Variants in CCDC192 observed in about 807,000 individuals in gnomAD.
The protein encoded by CCDC192 is coiled-coil domain containing 192.
At chr5:127,812,191 G>A (rs973825061) in intron 5 of CCDC192, among the ~76,000 whole-genome samples, 6 of 152,266 alleles carry the variant, frequency 3.9e-5, no homozygotes, top group Admixed American at 2.0e-4. Context: ...TTTTATGTAA[G>A]TGCTTGCTAA....
intron 2 of CCDC192, among the ~76,000 whole-genome samples, chr5:127,708,911 C>A (rs942306485): frequency 6.6e-6 from 1 of 151,970 alleles, no homozygotes; most frequent in Non-Finnish European, 1.5e-5. Flanking sequence ...TGTAGTAGTT[C>A]GTTCTCGCAC....
intron 5 of CCDC192, among the ~76,000 whole-genome samples, chr5:127,815,862 T>G (rs1310755703): frequency 6.6e-6 from 1 of 150,990 alleles, no homozygotes; most frequent in Non-Finnish European, 1.5e-5. Flanking sequence ...AGCGAGACTC[T>G]GTCTGAAAAA....
chr5:127,733,133 G>C (rs1239871830), intron 2 of CCDC192, among the ~76,000 whole-genome samples: 1 of 152,104 alleles, frequency 6.6e-6, no homozygotes, highest in Non-Finnish European at 1.5e-5. Context: ...TTGAATTTTT[G>C]CTCTTAGTTT....
chr5:127,747,203 C>T (rs1753810599), intron 2 of CCDC192, among the ~76,000 whole-genome samples: 1 of 151,522 alleles, frequency 6.6e-6, no homozygotes, highest in African/African-American at 2.4e-5. Flanking sequence ...TGTGCTGCAC[C>T]CACTAACTCG....
chr5:127,894,731 A>C (rs534845179), intron 6 of CCDC192, among the ~76,000 whole-genome samples: 1 of 152,342 alleles, frequency 6.6e-6, no homozygotes, highest in East Asian at 1.9e-4. Flanking sequence ...ATAAGATCTA[A>C]ATAGCTGACA....
chr5:127,842,930 C>T (rs1025436163), intron 5 of CCDC192, among the ~76,000 whole-genome samples: 2 of 151,988 alleles, frequency 1.3e-5, no homozygotes, highest in African/African-American at 4.8e-5. Flanking sequence ...GACATACTGC[C>T]TATGGCGAAA....
At chr5:127,787,724 A>C (rs1580658857) in intron 3 of CCDC192, among the ~76,000 whole-genome samples, 1 of 151,964 alleles carries the variant, frequency 6.6e-6, no homozygotes, top group African/African-American at 2.4e-5. Context: ...GGATTGTTCT[A>C]TCTGTCATAC....
Position 127,837,860 on chromosome 5 carries a change from C to T in CCDC192, c.412-37678C>T, listed in dbSNP as rs569806630. Among the ~76,000 whole-genome samples, 94 of 152,156 alleles carry T rather than the reference C, an allele frequency of 6.2e-4. 1 individual carries two copies. The highest frequency in any genetic ancestry group is 3.5e-3 in the South Asian group (17 of 4,822). The stretch of plus-strand genomic sequence containing the variant: ...AAAATTAGCCAGGCATGGTGGTGCA[C>T]GCCTGTAGTCCCAGCTACTCAGGAG... On this transcript the variant is annotated intron_variant, in intron 5 of 6. Transcript: ENST00000514853.
intron 3 of CCDC192, among the ~76,000 whole-genome samples, chr5:127,760,191 G>C (rs1754831894): frequency 6.6e-6 from 1 of 150,982 alleles, no homozygotes; most frequent in Admixed American, 6.6e-5. Context: ...AGACACTTTT[G>C]AAGTGATGAT....
intron 2 of CCDC192, among the ~76,000 whole-genome samples, chr5:127,737,777 T>A (rs569763433): frequency 0.017 from 2,521 of 152,042 alleles, 69 homozygotes; most frequent in African/African-American, 0.058. Context: ...GTTTTCCATT[T>A]GCTTGGTAGA....
intron 3 of CCDC192, among the ~76,000 whole-genome samples, chr5:127,765,568 A>C (rs1284212034): frequency 1.3e-5 from 2 of 152,246 alleles, no homozygotes; most frequent in East Asian, 1.9e-4. Flanking sequence ...CCTGAGCATC[A>C]AAAGTTTACA....
intron 2 of CCDC192, among the ~76,000 whole-genome samples, chr5:127,719,618 A>G (rs1393213091): frequency 1.4e-5 from 2 of 147,606 alleles, no homozygotes; most frequent in Non-Finnish European, 3.0e-5. Flanking sequence ...TGATAGCTCT[A>G]TTTTTTGAGA....
intron 6 of CCDC192, among the ~76,000 whole-genome samples, chr5:127,898,352 G>A (rs568740673): frequency 1.4e-3 from 215 of 152,104 alleles, no homozygotes; most frequent in African/African-American, 4.9e-3. Flanking sequence ...CAAATGATCC[G>A]CCCACCTCAG....
intron 3 of CCDC192, among the ~76,000 whole-genome samples, chr5:127,788,105 G>T (rs548080781): frequency 4.8e-5 from 7 of 145,092 alleles, no homozygotes; most frequent in Admixed American, 4.2e-4. Context: ...AAAAAAAAAG[G>T]GGGGGACTAT....
At chr5:127,710,603 G>A (rs1029057853) in intron 2 of CCDC192, among the ~76,000 whole-genome samples, 8 of 152,020 alleles carry the variant, frequency 5.3e-5, no homozygotes, top group African/African-American at 1.7e-4. Flanking sequence ...GCTCTCGATC[G>A]ATATCATTTG....
At chr5:127,758,024 AC>A (rs1425956409) in intron 3 of CCDC192, among the ~76,000 whole-genome samples, 6 of 151,982 alleles carry the variant, frequency 3.9e-5, no homozygotes, top group Non-Finnish European at 1.5e-5. Context: ...CACGACAAGA[AC>A]CAAGATTTGT....
At chr5:127,741,452 T>C (rs1389866331) in intron 2 of CCDC192, among the ~76,000 whole-genome samples, 1 of 152,206 alleles carries the variant, frequency 6.6e-6, no homozygotes, top group Non-Finnish European at 1.5e-5. Context: ...ACATGAATGA[T>C]ATTGAGAAGA....
chr5:127,851,657 C>T (rs1434840517), intron 5 of CCDC192, among the ~76,000 whole-genome samples: 1 of 152,164 alleles, frequency 6.6e-6, no homozygotes, highest in African/African-American at 2.4e-5. Flanking sequence ...AGGATTTCAC[C>T]ATGTTGGTCA....
chr5:127,844,652 T>C (rs548996185), intron 5 of CCDC192, among the ~76,000 whole-genome samples: 176 of 152,314 alleles, frequency 1.2e-3, no homozygotes, highest in African/African-American at 4.0e-3. Flanking sequence ...CAGGGCTGTG[T>C]GGCGGATGAG....
Sources: allele counts gnomAD v4.1 joint callset (sites outside exome capture counted in the v4.1 genomes callset), GRCh38; gene constraint gnomAD v4.1.1; transcripts MANE v1.5; gene names NCBI Gene and HGNC (gene_info 2026-07-23, HGNC 2026-07-21).